The following FRMD3 variants were observed in gnomAD, a reference collection of about 807,000 sequenced individuals.
FRMD3 encodes FERM domain-containing protein 3.
A neutral mutation model predicts 70.2 loss-of-function variants in FRMD3; 33 were observed. That is an observed-to-expected ratio of 0.47 (90% CI 0.36 to 0.63). FRMD3 has a LOEUF of 0.63. Ranked by LOEUF, FRMD3 falls within the 20% of genes least tolerant of loss-of-function variation. The pLI, the probability that FRMD3 is intolerant of heterozygous loss-of-function variation, is 0.00. For synonymous variants in FRMD3, 279 were observed against 255.9 expected, an observed-to-expected ratio of 1.09 and a Z score of -0.86; for missense variants, 632 against 711.4, an observed-to-expected ratio of 0.89 and a Z score of 1.27.
At chr9:83,396,460 C>T (rs1334665103) in intron 1 of FRMD3, among the ~76,000 whole-genome samples, 2 of 152,172 alleles carry the variant, frequency 1.3e-5, no homozygotes, top group African/African-American at 4.8e-5. Context: ...ACACATGGTA[C>T]AGGCATAAGC....
At position 83,299,102 on chromosome 9, in the gene FRMD3, T is replaced by C; in HGVS notation, c.1001+10A>G. 1.3e-6 allele frequency: 2 copies of C among 1,586,314 alleles called. No individual in the cohort carries two copies. ...CACCCCCTCACTGAAATGGAACCATTGGTACCCACCTATATCGAAATCTAC... is the reference window on the plus strand; with the variant it reads ...CACCCCCTCACTGAAATGGAACCATCGGTACCCACCTATATCGAAATCTAC... On this transcript the variant is annotated intron_variant, in intron 11 of 13. Coordinates refer to ENST00000304195, the MANE Select transcript of FRMD3 (RefSeq NM_174938.6).
intron 1 of FRMD3, among the ~76,000 whole-genome samples, chr9:83,493,472 T>C (rs751168788): frequency 6.6e-6 from 1 of 152,214 alleles, no homozygotes; most frequent in Non-Finnish European, 1.5e-5. Context: ...CTTCCCAAAA[T>C]GTCTTCCACG....
intron 3 of FRMD3, among the ~76,000 whole-genome samples, chr9:83,352,019 T>C (rs1478805654): frequency 6.6e-6 from 1 of 152,176 alleles, no homozygotes; most frequent in Non-Finnish European, 1.5e-5. Flanking sequence ...TCCAGGACAG[T>C]AGATAGAGAT....
At chr9:83,386,772 G>A (rs12350022) in intron 2 of FRMD3, among the ~76,000 whole-genome samples, 40,684 of 152,020 alleles carry the variant, frequency 0.27, 6,283 homozygotes, top group Non-Finnish European at 0.34. Flanking sequence ...TTGAGTTGAC[G>A]TGTCTCTCCA....
intron 1 of FRMD3, chr9:83,467,778 G>T: frequency 1.4e-6 from 2 of 1,412,216 alleles, no homozygotes; most frequent in South Asian, 3.2e-5. Context: ...ATACTGCATT[G>T]TTTACCTATA....
At chr9:83,379,779 G>A (rs1430610475) in intron 2 of FRMD3, among the ~76,000 whole-genome samples, 1 of 152,152 alleles carries the variant, frequency 6.6e-6, no homozygotes, top group African/African-American at 2.4e-5. Flanking sequence ...AACCAGGGTA[G>A]CTCTTAACTA....
chr9:83,556,550 A>G, the FRMD3 span, among the ~76,000 whole-genome samples: 1 of 152,190 alleles, frequency 6.6e-6, no homozygotes, highest in Non-Finnish European at 1.5e-5. Context: ...AATGTAAAAG[A>G]TATTTTGGCC....
intron 13 of FRMD3, among the ~76,000 whole-genome samples, chr9:83,259,275 G>T (rs778566941): frequency 1.8e-4 from 28 of 152,130 alleles, no homozygotes; most frequent in Non-Finnish European, 4.0e-4. Flanking sequence ...AGCATTTGGG[G>T]TGTAATTTTA....
intron 1 of FRMD3, among the ~76,000 whole-genome samples, chr9:83,525,090 T>C (rs1219672795): frequency 1.3e-5 from 2 of 152,222 alleles, no homozygotes; most frequent in Non-Finnish European, 2.9e-5. Flanking sequence ...TAGTAAATAA[T>C]ATTGTGTTTG....
upstream of FRMD3, among the ~76,000 whole-genome samples, chr9:83,538,897 G>C (rs1434045944): frequency 2.0e-5 from 3 of 152,208 alleles, no homozygotes. This position sits in a 1 kb window ranked among gnomAD's most constrained non-coding sequence, Gnocchi z 4.7. Context: ...GAGTGACAGA[G>C]AGAGTGACAG....
intron 1 of FRMD3, among the ~76,000 whole-genome samples, chr9:83,396,995 C>A (rs1424254059): frequency 6.6e-6 from 1 of 152,016 alleles, no homozygotes; most frequent in Non-Finnish European, 1.5e-5. Context: ...CTTTGTTCTG[C>A]TGTGTTCTAT....
intron 6 of FRMD3, among the ~76,000 whole-genome samples, chr9:83,314,779 A>C (rs1201707862): frequency 6.6e-6 from 1 of 150,552 alleles, no homozygotes; most frequent in Non-Finnish European, 1.5e-5. Context: ...TAATCCAACA[A>C]TGCATATCTT....
At chr9:83,494,555 A>T (rs1411766816) in intron 1 of FRMD3, among the ~76,000 whole-genome samples, 2 of 152,126 alleles carry the variant, frequency 1.3e-5, no homozygotes, top group Non-Finnish European at 2.9e-5. Context: ...CATTCTTTTT[A>T]AAAATTATTT....
intron 1 of FRMD3, among the ~76,000 whole-genome samples, chr9:83,402,853 T>C (rs1429510852): frequency 6.6e-6 from 1 of 151,548 alleles, no homozygotes; most frequent in Non-Finnish European, 1.5e-5. Context: ...AATTTTCTCA[T>C]AGCCTTGAGA....
rs142272516 is a variant in FRMD3 at position 83,536,930 on chromosome 9, T to TAAAAAA, written c.147+1149_147+1154dup. ...ATGGGTGGTGTGCCCTGTATTACACTAAAAAAAAAAAAAAAAAAAAAAAGC... is the reference window on the plus strand; with the variant it reads ...ATGGGTGGTGTGCCCTGTATTACACTAAAAAAAAAAAAAAAAAAAAAAAAAAAAAGC... On this transcript the variant is annotated intron_variant, in intron 1 of 13. Coordinates refer to ENST00000304195, the MANE Select transcript of FRMD3 (RefSeq NM_174938.6). Among the ~76,000 whole-genome samples the TAAAAAA allele has an allele frequency of 1.6e-3, 96 of 60,874 alleles. 2 individuals carry two copies. Among genetic ancestry groups the TAAAAAA allele is most frequent in the African/African-American group, 5.5e-3 (91 of 16,404 alleles). 39.9% of individuals were successfully genotyped at this position (60,874 alleles called of 152,430 possible).
the FRMD3 span, among the ~76,000 whole-genome samples, chr9:83,547,705 C>A: frequency 1.3e-5 from 2 of 152,256 alleles, no homozygotes; most frequent in African/African-American, 2.4e-5. Flanking sequence ...GACATTTATA[C>A]AACATTCTAC....
the FRMD3 span, among the ~76,000 whole-genome samples, chr9:83,571,231 C>T: frequency 6.6e-6 from 1 of 152,196 alleles, no homozygotes; most frequent in Non-Finnish European, 1.5e-5. Flanking sequence ...TCTTTGCAAA[C>T]TTCACTCCTC....
intron 13 of FRMD3, among the ~76,000 whole-genome samples, chr9:83,266,262 T>C (rs1442423435): frequency 6.6e-6 from 1 of 152,246 alleles, no homozygotes; most frequent in African/African-American, 2.4e-5. Context: ...TCATGTATTA[T>C]GTCATTATAC....
intron 3 of FRMD3, among the ~76,000 whole-genome samples, chr9:83,362,319 A>G (rs1297817627): frequency 2.6e-5 from 4 of 152,188 alleles, no homozygotes; most frequent in Non-Finnish European, 5.9e-5. Context: ...AGACATAAAC[A>G]TGAAGTACCA....
Sources: gnomAD v4.1 joint callset for allele counts (sites outside exome capture counted in the v4.1 genomes callset) on GRCh38, gnomAD v4.1.1 for gene constraint, Gnocchi (gnomAD v3.1) non-coding constraint, MANE v1.5 for transcripts, NCBI Gene and HGNC (gene_info 2026-07-23, HGNC 2026-07-21) for gene names.